The following FLT1 variants were observed in gnomAD, a reference collection of about 807,000 sequenced individuals.
FLT1 encodes the protein fms related receptor tyrosine kinase 1.
FLT1 carries 49 observed loss-of-function variants against 156.3 expected under a neutral mutation model. The ratio of observed to expected loss-of-function variants is 0.31; its 90% CI spans 0.25 to 0.40. The LOEUF (loss-of-function observed/expected upper bound fraction) is 0.40. Among genes scored for constraint, FLT1 ranks in the 10% least tolerant of loss-of-function variants. The pLI, the probability that FLT1 is intolerant of heterozygous loss-of-function variation, is 1.00. For missense variants in FLT1, 1,322 were observed against 1,637.2 expected (o/e 0.81, Z 3.32); for synonymous variants, 594 against 583.8 (o/e 1.02, Z -0.25).
chr13:28,398,045 A>C (rs1223082518), intron 11 of FLT1, among the ~76,000 whole-genome samples: 18 of 152,184 alleles, frequency 1.2e-4, no homozygotes. Context: ...AAAGAAAAAA[A>C]ATTGGCAATA....
At chr13:28,372,070 A>ATTTT (rs1565990447) in intron 14 of FLT1, among the ~76,000 whole-genome samples, 7 of 17,234 alleles carry the variant, frequency 4.1e-4, no homozygotes, top group Non-Finnish European at 8.2e-4. Context: ...ATATATATAT[A>ATTTT]TATATATTTT....
At chr13:28,409,656 T>C (rs996984751) in intron 10 of FLT1, among the ~76,000 whole-genome samples, 3 of 152,240 alleles carry the variant, frequency 2.0e-5, no homozygotes, top group East Asian at 3.9e-4. Context: ...CTTGACAGTA[T>C]TGACTGCTGG....
In FLT1 at chr13:28,322,119, C is replaced by A; in HGVS notation, c.3051+143G>T. 1.5e-6 allele frequency: 1 copy of A among 671,766 alleles called. No individual in the cohort carries two copies. Among genetic ancestry groups the A allele is most frequent in the Non-Finnish European group, 2.7e-6 (1 of 372,612 alleles). The allele number at this position is 671,766 out of a possible 1,614,324, so 41.6% of individuals were successfully genotyped here. On this transcript the variant is annotated intron_variant, in intron 22 of 29. Coordinates refer to ENST00000282397, the MANE Select transcript of FLT1 (RefSeq NM_002019.4). The surrounding 1 kb of genome is among the most constrained non-coding windows in gnomAD (Gnocchi z 4.3). ...TCCTCATTCTCAAAACTCCTCATAT[C>A]AAGGCAAATTAAGGCACTTGCAGTG...
intron 14 of FLT1, among the ~76,000 whole-genome samples, chr13:28,370,109 G>T (rs1219183668): frequency 1.3e-5 from 2 of 151,874 alleles, no homozygotes; most frequent in East Asian, 3.9e-4. Flanking sequence ...AGGTGGGAGA[G>T]TTGGGAGGAG....
intron 14 of FLT1, among the ~76,000 whole-genome samples, chr13:28,364,151 C>A (rs912833363): frequency 6.6e-6 from 1 of 152,180 alleles, no homozygotes; most frequent in Admixed American, 6.5e-5. Flanking sequence ...TAATACGTTT[C>A]AAGTCTTCCT....
At chr13:28,482,532 C>A (rs1880921717) in intron 1 of FLT1, among the ~76,000 whole-genome samples, 1 of 151,644 alleles carries the variant, frequency 6.6e-6, no homozygotes, top group Non-Finnish European at 1.5e-5. Flanking sequence ...GAAAATACAG[C>A]CCTCCAAATC....
intron 1 of FLT1, among the ~76,000 whole-genome samples, chr13:28,480,803 C>T (rs932814298): frequency 2.0e-5 from 3 of 152,170 alleles, no homozygotes; most frequent in African/African-American, 7.2e-5. Flanking sequence ...ACTTCACCTG[C>T]CACTAGGAAA....
intron 20 of FLT1, 87 bp downstream of exon 20, chr13:28,327,375 A>C: frequency 1.2e-6 from 1 of 832,018 alleles, no homozygotes; most frequent in Non-Finnish European, 2.1e-6. Flanking sequence ...TAACAACACA[A>C]TACAGGTTTC....
chr13:28,414,200 G>T (rs1876507368), intron 10 of FLT1, among the ~76,000 whole-genome samples: 2 of 152,282 alleles, frequency 1.3e-5, no homozygotes, highest in Middle Eastern at 3.4e-3. Context: ...TTCTCTGAAA[G>T]GTATCTTATG....
chr13:28,420,373 T>C (rs1455917663), intron 10 of FLT1, among the ~76,000 whole-genome samples: 4 of 152,224 alleles, frequency 2.6e-5, no homozygotes, highest in Admixed American at 1.3e-4. Context: ...TTCAAGGTTT[T>C]GTTTGTGGTA....
intron 3 of FLT1, among the ~76,000 whole-genome samples, chr13:28,463,071 G>A (rs1231811221): frequency 6.6e-6 from 1 of 152,018 alleles, no homozygotes; most frequent in Non-Finnish European, 1.5e-5. Flanking sequence ...AGGATTAAAT[G>A]GCATCAAGTA....
chr13:28,390,978 A>G (rs1874676868), intron 12 of FLT1, among the ~76,000 whole-genome samples: 1 of 152,110 alleles, frequency 6.6e-6, no homozygotes, highest in African/African-American at 2.4e-5. Flanking sequence ...GGTCCAGCAA[A>G]GACCACAGTG....
intron 3 of FLT1, among the ~76,000 whole-genome samples, chr13:28,455,542 G>C (rs1055715180): frequency 6.6e-6 from 1 of 152,092 alleles, no homozygotes; most frequent in Admixed American, 6.5e-5. Flanking sequence ...AAAACTCCTA[G>C]AATATAACAG....
intron 3 of FLT1, among the ~76,000 whole-genome samples, chr13:28,445,970 G>T (rs930119492): frequency 6.6e-6 from 1 of 151,886 alleles, no homozygotes; most frequent in South Asian, 2.1e-4. Context: ...GCCCAAGTGG[G>T]ATTTTTTTCA....
chr13:28,427,260 T>G lies in FLT1; in HGVS notation c.1335A>C (p.Pro445=). 6.2e-7 allele frequency: 1 copy of G among 1,613,916 alleles called. No individual in the cohort carries two copies. The highest frequency in any genetic ancestry group is 1.3e-5 in the African/African-American group (1 of 74,994). The change falls in exon 10 of 30, where the codon CCA becomes CCC. Residue 445 remains proline, a synonymous_variant. Coordinates refer to ENST00000282397, the MANE Select transcript of FLT1 (RefSeq NM_002019.4). ...VSSFPDPALY[P]LGSRQILTCT... is the part of the protein sequence containing the mutation. ...AAGTCAGGATTTGTCTGCTGCCCAG[T>G]GGGTAGAGAGCCGGGTCTGGAAACG...
At chr13:28,327,816 T>C (rs1455214014) in intron 19 of FLT1, among the ~76,000 whole-genome samples, 1 of 148,468 alleles carries the variant, frequency 6.7e-6, no homozygotes, top group African/African-American at 2.5e-5. Context: ...AGAGAAAAGA[T>C]TGGAAGAAGG....
chr13:28,387,181 C>T, intron 13 of FLT1: 3 of 1,035,974 alleles, frequency 2.9e-6, no homozygotes, highest in South Asian at 4.6e-5. Flanking sequence ...GCAGAACGTA[C>T]ATGGGACTCT....
At chr13:28,365,672 A>T (rs1873266092) in intron 14 of FLT1, among the ~76,000 whole-genome samples, 1 of 152,020 alleles carries the variant, frequency 6.6e-6, no homozygotes, top group South Asian at 2.1e-4. Context: ...TATAAACATG[A>T]TACTCTGCTT....
intron 19 of FLT1, among the ~76,000 whole-genome samples, chr13:28,329,223 A>G (rs979373039): frequency 1.3e-5 from 2 of 152,118 alleles, no homozygotes; most frequent in Admixed American, 1.3e-4. Flanking sequence ...GGGCCCCCAC[A>G]TCACCTCCTC....
Sources: allele counts gnomAD v4.1 joint callset (sites outside exome capture counted in the v4.1 genomes callset), GRCh38; gene constraint gnomAD v4.1.1; non-coding constraint Gnocchi (gnomAD v3.1); transcripts MANE v1.5; gene names NCBI Gene and HGNC (gene_info 2026-07-23, HGNC 2026-07-21).